SAMD5: variants seen among roughly 807,000 people sequenced by gnomAD.
SAMD5 encodes the protein sterile alpha motif domain-containing protein 5.
Under a neutral mutation model 11.3 loss-of-function variants are expected in SAMD5, and 13 were observed. The ratio of observed to expected loss-of-function variants is 1.15; its 90% CI spans 0.75 to 1.83. The LOEUF (loss-of-function observed/expected upper bound fraction) is 1.83, where lower values mean the gene tolerates loss of function less well. SAMD5 is among the 40% of genes most tolerant of loss of function. The pLI is 0.00. For missense variants in SAMD5, 255 were observed against 239.1 expected (o/e 1.07, Z -0.44); for synonymous variants, 129 against 111.3 (o/e 1.16, Z -1.00).
chr6:147,900,489 G>A, the SAMD5 span, among the ~76,000 whole-genome samples: 18 of 152,278 alleles, frequency 1.2e-4, no homozygotes, highest in South Asian at 2.1e-4. Flanking sequence ...GACCAGCCCC[G>A]TAATGAACAG....
chr6:147,564,595 A>T lies in SAMD5; in HGVS notation c.*139A>T, dbSNP rs1789007130. 6.9e-7 allele frequency: 1 copy of T among 1,455,496 alleles called. No individual in the cohort carries two copies. The highest frequency in any genetic ancestry group is 2.6e-5 in the Admixed American group (1 of 38,146). The allele number at this position is 1,455,496 out of a possible 1,614,324, so 90.2% of individuals were successfully genotyped here. A position where few individuals can be genotyped will look rare whatever the true frequency, so the allele number is the denominator to read the frequency against. On this transcript the variant is annotated 3_prime_UTR_variant, in exon 2 of 2. Coordinates refer to ENST00000367474, the MANE Select transcript of SAMD5 (RefSeq NM_001030060.3). Reference sequence around the variant, plus strand: ...TCAGCTTAACTTTTTGCTTGGACAAATTCTGGAATAATCAACTTAGTAAAC... The same window carrying T: ...TCAGCTTAACTTTTTGCTTGGACAATTTCTGGAATAATCAACTTAGTAAAC...
chr6:147,859,151 C>T, the SAMD5 span, among the ~76,000 whole-genome samples: 2 of 152,084 alleles, frequency 1.3e-5, no homozygotes, highest in Non-Finnish European at 2.9e-5. Flanking sequence ...GATGGGCATT[C>T]CCCCAGGTGT....
chr6:147,918,877 T>C, the SAMD5 span, among the ~76,000 whole-genome samples: 1 of 151,902 alleles, frequency 6.6e-6, no homozygotes, highest in South Asian at 2.1e-4. Context: ...GCTAATTTTT[T>C]TGTATTTTTA....
At position 147,629,692 on chromosome 6, in the gene SAMD5, C is replaced by G. The variant is rs1790110859; in HGVS notation, c.163-107625C>G. On this transcript the variant is annotated intron_variant, in intron 1 of 1. Coordinates refer to the SAMD5 transcript ENST00000566741. Reference sequence around the variant, plus strand: ...AACAATTCTGAAACATTTACTCTGTCAGACATAGTGCTTTTTCTTTCATTT... The same window carrying G: ...AACAATTCTGAAACATTTACTCTGTGAGACATAGTGCTTTTTCTTTCATTT... 2.0e-5 allele frequency among the ~76,000 whole-genome samples: 3 copies of G among 152,282 alleles called. No homozygotes were observed. The South Asian group carries it at 6.2e-4, about 32-fold the overall frequency.
chr6:147,907,972 G>C, the SAMD5 span, among the ~76,000 whole-genome samples: 1 of 152,080 alleles, frequency 6.6e-6, no homozygotes, highest in Non-Finnish European at 1.5e-5. Flanking sequence ...AATTTCAAAG[G>C]TGTAACTGAG....
chr6:147,778,021 T>G, the SAMD5 span, among the ~76,000 whole-genome samples: 5 of 152,238 alleles, frequency 3.3e-5, no homozygotes, highest in Non-Finnish European at 7.3e-5. Flanking sequence ...AATGATATTT[T>G]TAACTTTTTT....
intron 1 of SAMD5, among the ~76,000 whole-genome samples, chr6:147,645,064 G>A (rs747057239): frequency 5.9e-5 from 9 of 152,092 alleles, no homozygotes; most frequent in East Asian, 5.8e-4. Flanking sequence ...CAGGATGCCC[G>A]CTTCTTAAGA....
chr6:147,564,091 T>G (rs1340741896), intron 1 of SAMD5, among the ~76,000 whole-genome samples: 1 of 143,548 alleles, frequency 7.0e-6, no homozygotes, highest in Non-Finnish European at 1.5e-5. Flanking sequence ...ACAAGGTATA[T>G]TTTTATCTAA....
chr6:147,801,067 G>A, the SAMD5 span, among the ~76,000 whole-genome samples: 7 of 151,912 alleles, frequency 4.6e-5, no homozygotes, highest in African/African-American at 1.5e-4. Flanking sequence ...AATGTAATTC[G>A]TAGAAAGAAG....
chr6:147,574,576 A>G (rs1308574863), downstream of SAMD5, among the ~76,000 whole-genome samples: 3 of 152,212 alleles, frequency 2.0e-5, no homozygotes, highest in African/African-American at 4.8e-5. Flanking sequence ...TTGTGCTGCT[A>G]TAACAGAATG....
rs71547193 is a variant in SAMD5 at position 147,509,076 on chromosome 6, G to C, written c.148G>C (p.Ala50Pro). The change falls in exon 1 of 2, where the codon GCG (alanine) becomes CCG (proline). Residue 50 changes from alanine to proline, a missense_variant. By Grantham distance (27) the Ala-to-Pro change is conservative. Transcript: ENST00000367474. ...GGATGCCATCGGGGTGCTGGCGCCC[G>C]CGCACCGCCGCCGTATCCTGGAGGC... Reference protein sequence around the residue: ...DLDAIGVLAPAHRRRILEAVR... With the variant: ...DLDAIGVLAPPHRRRILEAVR... 108,091 of 1,598,932 alleles carry C rather than the reference G, an allele frequency of 0.068. 3,984 individuals are homozygous for C. The highest frequency in any genetic ancestry group is 0.092 in the Admixed American group (5,341 of 57,990).
At position 147,632,682 on chromosome 6, in the gene SAMD5, G is replaced by A. The variant is rs143628207; in HGVS notation, c.163-104635G>A. Among the ~76,000 whole-genome samples, 99 of 152,302 alleles carry A rather than the reference G, an allele frequency of 6.5e-4. 1 individual carries two copies. Among genetic ancestry groups the A allele is most frequent in the African/African-American group, 2.2e-3 (91 of 41,556 alleles). On this transcript the variant is annotated intron_variant, in intron 1 of 1. Coordinates refer to the SAMD5 transcript ENST00000566741. ...CTTGGGTAAGAATTTCGACCACACA[G>A]TATTGACTGCTTCTAGCCTACTGAG...
intron 1 of SAMD5, among the ~76,000 whole-genome samples, chr6:147,512,955 A>C (rs146469017): frequency 9.0e-4 from 137 of 152,312 alleles, no homozygotes; most frequent in African/African-American, 3.2e-3. Flanking sequence ...TTTTTCCAGA[A>C]CTGGCCTATG....
chr6:147,637,977 A>T (rs1790255144), intron 1 of SAMD5, among the ~76,000 whole-genome samples: 1 of 152,176 alleles, frequency 6.6e-6, no homozygotes, highest in Non-Finnish European at 1.5e-5. Flanking sequence ...GAAACTAATG[A>T]AAATTAGAGT....
the SAMD5 span, among the ~76,000 whole-genome samples, chr6:147,925,884 T>C: frequency 1.3e-5 from 2 of 152,152 alleles, no homozygotes; most frequent in Non-Finnish European, 2.9e-5. Context: ...CTTCTTTGTG[T>C]TCACTAGAAA....
intron 1 of SAMD5, among the ~76,000 whole-genome samples, chr6:147,584,110 C>T (rs190006363): frequency 5.3e-5 from 8 of 152,116 alleles, no homozygotes; most frequent in African/African-American, 1.9e-4. Context: ...CAATTCCTAT[C>T]TCTGATTGGT....
the SAMD5 span, among the ~76,000 whole-genome samples, chr6:147,913,123 G>T: frequency 6.6e-6 from 1 of 151,990 alleles, no homozygotes; most frequent in Non-Finnish European, 1.5e-5. Context: ...GAGAGGAAAA[G>T]GATTTTAGAA....
At chr6:147,812,444 A>G in the SAMD5 span, among the ~76,000 whole-genome samples, 1 of 152,104 alleles carries the variant, frequency 6.6e-6, no homozygotes, top group Admixed American at 6.6e-5. Flanking sequence ...GGGCTCAGGC[A>G]CTGTTTCAGC....
intron 1 of SAMD5, among the ~76,000 whole-genome samples, chr6:147,537,835 A>G (rs1005510237): frequency 6.6e-6 from 1 of 152,056 alleles, no homozygotes; most frequent in African/African-American, 2.4e-5. Flanking sequence ...AGATAGCATG[A>G]GGCCAACTAA....
Sources: gnomAD v4.1 joint callset for allele counts (sites outside exome capture counted in the v4.1 genomes callset) on GRCh38, gnomAD v4.1.1 for gene constraint, MANE v1.5 for transcripts, NCBI Gene and HGNC (gene_info 2026-07-23, HGNC 2026-07-21) for gene names.